The following ZMYM1 variants were observed in gnomAD, a reference collection of about 807,000 sequenced individuals.
ZMYM1 encodes the protein zinc finger MYM-type containing 1, also known as zinc finger MYM-type protein 1.
In ZMYM1, 39 loss-of-function variants were observed where a neutral mutation model predicts 60.0. That is an observed-to-expected ratio of 0.65 (90% CI 0.50 to 0.85). ZMYM1 has a LOEUF of 0.85. Among genes scored for constraint, ZMYM1 ranks in the 40% least tolerant of loss-of-function variants. The probability of loss-of-function intolerance (pLI) is 0.00; values close to 1 mark genes in which losing one functional copy is unlikely to be tolerated. For missense variants in ZMYM1, 1,171 were observed against 1,309.5 expected (o/e 0.89, Z 1.63); for synonymous variants, 413 against 454.0 (o/e 0.91, Z 1.15).
intron 6 of ZMYM1, among the ~76,000 whole-genome samples, chr1:35,105,130 T>C (rs954034896): frequency 1.1e-4 from 15 of 138,028 alleles, no homozygotes; most frequent in African/African-American, 2.2e-4. Flanking sequence ...TTCTTTCTTT[T>C]TTTTTTTTTT....
chr1:35,082,522 G>A (rs576817598), intron 1 of ZMYM1, among the ~76,000 whole-genome samples: 113 of 151,050 alleles, frequency 7.5e-4, no homozygotes, highest in African/African-American at 2.6e-3. Context: ...GTAGAGATGG[G>A]GTTTCACCAT....
chr1:35,096,665 C>G (rs558589749), intron 3 of ZMYM1, among the ~76,000 whole-genome samples: 1 of 152,144 alleles, frequency 6.6e-6, no homozygotes, highest in East Asian at 1.9e-4. Context: ...TCCCAAGTAA[C>G]TAGGATCACA....
chr1:35,109,574 A>C (rs1644015721), intron 6 of ZMYM1, among the ~76,000 whole-genome samples: 2 of 152,154 alleles, frequency 1.3e-5, no homozygotes, highest in Admixed American at 6.6e-5. Context: ...AGTATCTTGT[A>C]AGGTATTTAA....
intron 1 of ZMYM1, among the ~76,000 whole-genome samples, chr1:35,083,362 G>A (rs570582073): frequency 6.6e-6 from 1 of 152,060 alleles, no homozygotes; most frequent in South Asian, 2.1e-4. Context: ...ATGCTGCCAG[G>A]GGGTGGCCTC....
downstream of ZMYM1, among the ~76,000 whole-genome samples, chr1:35,116,518 T>G (rs1190660099): frequency 6.6e-6 from 1 of 152,334 alleles, no homozygotes; most frequent in Non-Finnish European, 1.5e-5. Context: ...AGTGCAATGG[T>G]ATGATCTCGG....
At chr1:35,082,192 A>C (rs902271864) in intron 1 of ZMYM1, among the ~76,000 whole-genome samples, 1 of 151,020 alleles carries the variant, frequency 6.6e-6, no homozygotes, top group African/African-American at 2.4e-5. Context: ...AAAATTCTAA[A>C]ATGCGGATCT....
At position 35,114,602 on chromosome 1, in the gene ZMYM1, C is replaced by T; in HGVS notation, c.2772C>T (p.Thr924=). ...DGTEEICQKI[T]CKGFKVEKPS... is the part of the protein sequence containing the mutation. ...CAGAGGAAATATGTCAAAAAATAACCTGTAAAGGTTTTAAAGTTGAAAAAC... is the reference window on the plus strand; with the variant it reads ...CAGAGGAAATATGTCAAAAAATAACTTGTAAAGGTTTTAAAGTTGAAAAAC... Residue 924 remains threonine, a synonymous_variant, in exon 10 of 10, where the codon ACC becomes ACT. Coordinates refer to ENST00000359858, the MANE Select transcript of ZMYM1 (RefSeq NM_024772.5). 2 of 1,609,314 alleles carry T rather than the reference C, an allele frequency of 1.2e-6. No homozygotes were observed. The highest frequency in any genetic ancestry group is 1.7e-6 in the Non-Finnish European group (2 of 1,178,548).
upstream of ZMYM1, among the ~76,000 whole-genome samples, chr1:35,076,896 T>C (rs963958988): frequency 1.1e-4 from 16 of 150,426 alleles, no homozygotes; most frequent in African/African-American, 3.2e-4. Context: ...GATCACGCCA[T>C]TGCACTCCAG....
chr1:35,111,864 G>T lies in ZMYM1; in HGVS notation c.1054G>T (p.Ala352Ser), dbSNP rs1179573320. The change falls in exon 8 of 10, where the codon GCA becomes TCA. Residue 352 changes from alanine (A) to serine (S), a missense_variant. Coordinates refer to ENST00000359858, the MANE Select transcript of ZMYM1 (RefSeq NM_024772.5). The part of the protein sequence containing the change: ...TPVISNIVSL[A>S]DTDVALPIMN... ...AGTTATAAGCAATATAGTGTCATTG[G>T]CAGACACCGATGTTGCCTTGCCCAT... The T allele has an allele frequency of 6.2e-7, 1 of 1,605,622 alleles. No homozygotes were observed. The highest frequency in any genetic ancestry group is 8.5e-7 in the Non-Finnish European group (1 of 1,174,770).
rs189287112 is a variant in ZMYM1 at position 35,114,729 on chromosome 1, A to C, written c.2899A>C (p.Ile967Leu). Residue 967 changes from isoleucine to leucine, a missense_variant, in exon 10 of 10, where the codon ATC becomes CTC. Physicochemically the swap from Ile to Leu is conservative, Grantham distance 5. Transcript: ENST00000359858. The stretch of plus-strand genomic sequence containing the variant: ...AACAGAAGAACAATATAAAATTAAT[A>C]TCTATTACCAAGGATTAGATACTAT... ...TSTEEQYKIN[I>L]YYQGLDTILQ... is the part of the protein sequence containing the mutation. 1 of 1,573,782 alleles carries C rather than the reference A, an allele frequency of 6.4e-7. No individual in the cohort carries two copies. Among genetic ancestry groups the C allele is most frequent in the East Asian group, 2.3e-5 (1 of 44,442 alleles).
chr1:35,112,195 T>TG, intron 9 of ZMYM1, 65 bp downstream of exon 9: 2 of 1,532,392 alleles, frequency 1.3e-6, no homozygotes, highest in Non-Finnish European at 1.8e-6. Flanking sequence ...TTGTTGTTGT[T>TG]GAGACAGAGT....
chr1:35,114,230 C>A lies in ZMYM1; in HGVS notation c.2400C>A (p.Cys800Ter), dbSNP rs766687673. 1 of 1,613,424 alleles carries A rather than the reference C, an allele frequency of 6.2e-7. No homozygotes were observed. The highest frequency in any genetic ancestry group is 1.1e-5 in the South Asian group (1 of 90,928). ...ATAGGCTAAGTCAAAACAAAACATG[C>A]AAGAAACATATATCACAATCATGTT... ...NIYRLSQNKT[C>*]KKHISQSCWT... The change falls in exon 10 of 10, where the codon TGC becomes TGA. Residue 800 changes from cysteine to a stop codon, truncating the protein, a stop_gained. Transcript: ENST00000359858. LOFTEE classifies it high-confidence loss of function.
At chr1:35,064,307 A>AAAAAAAC (rs1165934660) in intron 1 of ZMYM1, among the ~76,000 whole-genome samples, 2 of 113,832 alleles carry the variant, frequency 1.8e-5, no homozygotes, top group African/African-American at 1.2e-4. Flanking sequence ...AAAAAAAAAA[A>AAAAAAAC]AAAAAACAAA....
At position 35,088,454 on chromosome 1, in the gene ZMYM1, A is replaced by ATATATGTGTGTG. The variant is rs1464546786; in HGVS notation, c.-74-5459_-74-5458insATATGTGTGTGT. On this transcript the variant is annotated intron_variant, in intron 1 of 9. Coordinates refer to ENST00000359858, the MANE Select transcript of ZMYM1 (RefSeq NM_024772.5). Reference sequence around the variant, plus strand: ...TATGTGTATATATATATATATATATATGTGTGTGTGTGTGTGTGTGTGTGT... The same window carrying ATATATGTGTGTG: ...TATGTGTATATATATATATATATATATATATGTGTGTGTGTGTGTGTGTGTGTGTGTGTGTGT... Among the ~76,000 whole-genome samples the ATATATGTGTGTG allele has an allele frequency of 1.3e-3, 142 of 107,242 alleles. 1 individual carries two copies. The highest frequency in any genetic ancestry group is 5.7e-3 in the African/African-American group (135 of 23,488). The allele number at this position is 107,242 out of a possible 152,430, so 70.4% of individuals were successfully genotyped here. A position where few individuals can be genotyped will look rare whatever the true frequency, so the allele number is the denominator to read the frequency against.
At chr1:35,086,215 A>G (rs114479498) in intron 1 of ZMYM1, among the ~76,000 whole-genome samples, 2,258 of 152,192 alleles carry the variant, frequency 0.015, 52 homozygotes, top group African/African-American at 0.049. Context: ...TTATATTCAT[A>G]CAGAATTTTA....
upstream of ZMYM1, chr1:35,079,192 T>G (rs1392774837): frequency 6.6e-6 from 1 of 152,326 alleles, no homozygotes; most frequent in African/African-American, 2.4e-5. Flanking sequence ...GGTCCTACTT[T>G]GGCTGCCAGC....
chr1:35,079,538 C>T (rs1009759270), intron 1 of ZMYM1, 96 bp downstream of exon 1: 1 of 152,344 alleles, frequency 6.6e-6, no homozygotes. Context: ...GAGGATGACG[C>T]GCCGGGTCGG....
intron 1 of ZMYM1, among the ~76,000 whole-genome samples, chr1:35,060,200 G>A (rs555912104): frequency 3.3e-4 from 49 of 149,100 alleles, no homozygotes; most frequent in Non-Finnish European, 5.0e-4. Flanking sequence ...ACAGAGTTTC[G>A]CTCTTGTTGC....
rs1644105083 is a variant in ZMYM1 at position 35,112,028 on chromosome 1, T to C, written c.1103-59T>C. ...ATATGAAATAAGCAAATATAGTTTA[T>C]GATGCTATTTTATAGGTTATAGTAT... On this transcript the variant is annotated intron_variant, in intron 8 of 9. Transcript: ENST00000359858. The C allele has an allele frequency of 3.2e-6, 5 of 1,572,842 alleles. No individual in the cohort carries two copies. In the South Asian group the frequency reaches 5.9e-5, roughly 19 times the overall value.
Sources: allele counts gnomAD v4.1 joint callset (sites outside exome capture counted in the v4.1 genomes callset), GRCh38; gene constraint gnomAD v4.1.1; transcripts MANE v1.5; gene names NCBI Gene and HGNC (gene_info 2026-07-23, HGNC 2026-07-21).